Variants in GABRB3 observed in about 807,000 individuals in gnomAD.
The protein encoded by GABRB3 is gamma-aminobutyric acid type A receptor subunit beta3, also known as gamma-aminobutyric acid receptor subunit beta-3.
GABRB3 carries 14 observed loss-of-function variants against 52.1 expected under a neutral mutation model. The observed-to-expected ratio is 0.27, with a 90% CI of 0.18 to 0.42. The LOEUF (loss-of-function observed/expected upper bound fraction) is 0.42, where lower values mean the gene tolerates loss of function less well. Ranked by LOEUF, GABRB3 falls within the 10% of genes least tolerant of loss-of-function variation. GABRB3 has a pLI of 1.00. For synonymous variants in GABRB3, 260 were observed against 232.3 expected (o/e 1.12, Z -1.08); for missense variants, 307 against 609.1 (o/e 0.50, Z 5.22).
chr15:26,770,145 A>G (rs1193678285), intron 3 of GABRB3, among the ~76,000 whole-genome samples: 2 of 152,172 alleles, frequency 1.3e-5, no homozygotes, highest in African/African-American at 4.8e-5. Flanking sequence ...TTTAAGGAAA[A>G]TCAGATTTTT....
At chr15:26,626,583 T>A (rs934268347) in intron 3 of GABRB3, among the ~76,000 whole-genome samples, 16 of 152,290 alleles carry the variant, frequency 1.1e-4, no homozygotes, top group Admixed American at 5.2e-4. Context: ...TGGGGAATGA[T>A]AAGAAAGTCC....
chr15:26,597,968 C>T (rs1891457347), intron 4 of GABRB3, among the ~76,000 whole-genome samples: 1 of 152,346 alleles, frequency 6.6e-6, no homozygotes, highest in South Asian at 2.1e-4. Flanking sequence ...CCACTGCAGG[C>T]TTCCAGCCTG....
intron 4 of GABRB3, among the ~76,000 whole-genome samples, chr15:26,605,343 A>G (rs966455913): frequency 1.3e-5 from 2 of 152,200 alleles, no homozygotes; most frequent in Admixed American, 1.3e-4. Flanking sequence ...CACCATGCAG[A>G]AAAATTTGGA....
intron 3 of GABRB3, among the ~76,000 whole-genome samples, chr15:26,745,650 A>G (rs867763592): frequency 5.3e-5 from 8 of 152,188 alleles, no homozygotes; most frequent in African/African-American, 1.9e-4. Context: ...TCCGCCATCT[A>G]TCACTGGCAA....
At chr15:26,665,220 G>A (rs1887672935) in intron 3 of GABRB3, among the ~76,000 whole-genome samples, 1 of 152,062 alleles carries the variant, frequency 6.6e-6, no homozygotes, top group African/African-American at 2.4e-5. Flanking sequence ...GTTTCTACCT[G>A]TTAACCATGA....
chr15:26,580,342 G>A lies in GABRB3; in HGVS notation c.659C>T (p.Ser220Leu), dbSNP rs769693685. ...ACCTGTGGCGAAGACAACATTCCTC[G>A]AGACCAGACGGTGCTCCACGATGGA... ...QFSIVEHRLV[S>L]RNVVFATGAY... is the part of the protein sequence containing the mutation. The change falls in exon 6 of 9, where the codon TCG becomes TTG. Residue 220 changes from serine to leucine, a missense_variant. This residue lies in a region of GABRB3 where 23 missense variants were observed against 34.2 expected (regional missense o/e 0.67). Coordinates refer to ENST00000311550, the MANE Select transcript of GABRB3 (RefSeq NM_000814.6). The A allele has an allele frequency of 5.0e-6, 8 of 1,613,988 alleles. No homozygotes were observed. Among genetic ancestry groups the A allele is most frequent in the Admixed American group, 1.7e-5 (1 of 59,986 alleles).
At chr15:26,624,560 C>A in intron 3 of GABRB3, 1 of 985,454 alleles carries the variant, frequency 1.0e-6, no homozygotes, top group Non-Finnish European at 1.2e-6. Flanking sequence ...GCTCTCCGCA[C>A]CACCAGCAGC....
At chr15:26,677,947 A>G (rs535904285) in intron 3 of GABRB3, among the ~76,000 whole-genome samples, 41 of 152,154 alleles carry the variant, frequency 2.7e-4, no homozygotes, top group African/African-American at 8.9e-4. Flanking sequence ...AAGAGAGGTC[A>G]GGAATTTATT....
At chr15:26,698,823 G>A (rs1443512471) in intron 3 of GABRB3, among the ~76,000 whole-genome samples, 3 of 152,070 alleles carry the variant, frequency 2.0e-5, no homozygotes, top group South Asian at 2.1e-4. Flanking sequence ...CTGTTAAAAT[G>A]TTAGCTTCAA....
At chr15:26,773,710 G>A, upstream of GABRB3, 2 of 1,570,256 alleles carry the variant, frequency 1.3e-6, no homozygotes, top group Middle Eastern at 3.4e-4. Context: ...GGAGCTCCAG[G>A]AGCCCGGAGC....
intron 4 of GABRB3, among the ~76,000 whole-genome samples, chr15:26,586,234 C>T (rs190403222): frequency 1.0e-3 from 159 of 152,086 alleles, no homozygotes; most frequent in Non-Finnish European, 1.6e-3. Context: ...CTCCTGACCC[C>T]GATCCACCCG....
At chr15:26,681,885 T>A (rs1374455555) in intron 3 of GABRB3, among the ~76,000 whole-genome samples, 6 of 151,954 alleles carry the variant, frequency 3.9e-5, no homozygotes, top group African/African-American at 1.5e-4. Flanking sequence ...GGTGGAAGGA[T>A]CACTTGAGGA....
At chr15:26,637,944 C>T (rs1348459400) in intron 3 of GABRB3, among the ~76,000 whole-genome samples, 2 of 152,182 alleles carry the variant, frequency 1.3e-5, no homozygotes, top group Non-Finnish European at 1.5e-5. Context: ...ACTTGGTTAC[C>T]AAGGGCAAAA....
At chr15:26,759,071 T>C (rs1371282560) in intron 3 of GABRB3, among the ~76,000 whole-genome samples, 2 of 152,176 alleles carry the variant, frequency 1.3e-5, no homozygotes, top group African/African-American at 4.8e-5. Context: ...CTTAATAATT[T>C]GCACATCCAC....
chr15:26,584,755 C>G (rs1264584751), intron 4 of GABRB3, among the ~76,000 whole-genome samples: 1 of 152,192 alleles, frequency 6.6e-6, no homozygotes, highest in East Asian at 1.9e-4. Flanking sequence ...TTTGAAAACG[C>G]AACTATTAGG....
intron 3 of GABRB3, among the ~76,000 whole-genome samples, chr15:26,743,086 C>A (rs768820293): frequency 6.6e-6 from 1 of 151,968 alleles, no homozygotes; most frequent in African/African-American, 2.4e-5. Context: ...CGCACCAACA[C>A]GCCAGGCCAA....
intron 3 of GABRB3, among the ~76,000 whole-genome samples, chr15:26,743,387 T>C (rs905002033): frequency 6.6e-6 from 1 of 152,210 alleles, no homozygotes; most frequent in African/African-American, 2.4e-5. Flanking sequence ...GAAGGCTACA[T>C]GCCTTGGAGC....
rs148418004 is a variant in GABRB3, at chr15:26,580,339, C to T, written c.662G>A (p.Arg221Lys). 4.3e-6 allele frequency: 7 copies of T among 1,614,024 alleles called. No individual in the cohort carries two copies. In the African/African-American group the frequency reaches 9.3e-5, roughly 22 times the overall value. Residue 221 changes from arginine to lysine, a missense_variant, in exon 6 of 9, where the codon AGG becomes AAG. By Grantham distance (26) the Arg-to-Lys change is conservative (BLOSUM62 2). This residue lies in a region of GABRB3 where 23 missense variants were observed against 34.2 expected (regional missense o/e 0.67). Transcript: ENST00000311550. The stretch of plus-strand genomic sequence containing the variant: ...CTCACCTGTGGCGAAGACAACATTC[C>T]TCGAGACCAGACGGTGCTCCACGAT... Reference protein sequence around the residue: ...FSIVEHRLVSRNVVFATGAYP... With the variant: ...FSIVEHRLVSKNVVFATGAYP...
intron 3 of GABRB3, among the ~76,000 whole-genome samples, chr15:26,759,666 G>A (rs957128841): frequency 6.6e-6 from 1 of 152,202 alleles, no homozygotes; most frequent in African/African-American, 2.4e-5. Context: ...CACTGCAGAC[G>A]ATACTGACCA....
Sources: allele counts gnomAD v4.1 joint callset (sites outside exome capture counted in the v4.1 genomes callset), GRCh38; gene constraint gnomAD v4.1.1; regional missense constraint gnomAD v4.1.1; transcripts MANE v1.5; gene names NCBI Gene and HGNC (gene_info 2026-07-23, HGNC 2026-07-21).